Variants in GAL3ST1 observed in about 807,000 individuals in gnomAD.
The protein encoded by GAL3ST1 is galactose-3-O-sulfotransferase 1.
GAL3ST1 carries 13 observed loss-of-function variants against 25.0 expected under a neutral mutation model. That is an observed-to-expected ratio of 0.52 (90% CI 0.34 to 0.83). The LOEUF is 0.83. Ranked by LOEUF, GAL3ST1 falls within the 40% of genes least tolerant of loss-of-function variation. The pLI, the probability that GAL3ST1 is intolerant of heterozygous loss-of-function variation, is 0.02. For synonymous variants in GAL3ST1, 274 were observed against 277.8 expected (o/e 0.99, Z 0.14); for missense variants, 474 against 613.6 (o/e 0.77, Z 2.40).
At chr22:30,570,977 TACACACACACACACACACACACACAC>T (rs67031445) in intron 1 of GAL3ST1, among the ~76,000 whole-genome samples, 2 of 146,088 alleles carry the variant, frequency 1.4e-5, no homozygotes, top group Admixed American at 1.4e-4. Context: ...TCTGTGATGA[TACACACACACACACACACACACACAC>T]ACACACACAC....
chr22:30,562,126 T>C (rs2086447258), intron 1 of GAL3ST1, among the ~76,000 whole-genome samples: 1 of 152,106 alleles, frequency 6.6e-6, no homozygotes, highest in South Asian at 2.1e-4. Flanking sequence ...TCATAGCTCA[T>C]TGCAGCCTTG....
chr22:30,556,214 T>C, intron 3 of GAL3ST1, 121 bp from the exon 4 acceptor site: 2 of 800,878 alleles, frequency 2.5e-6, no homozygotes, highest in Non-Finnish European at 3.9e-6. Context: ...TAGTGAGACC[T>C]GTGGGGCCTG....
At chr22:30,558,159 G>A (rs1352949965) in intron 2 of GAL3ST1, 120 bp downstream of exon 2, 1 of 151,900 alleles carries the variant, frequency 6.6e-6, no homozygotes, top group Non-Finnish European at 1.5e-5. Context: ...CCAGCACTTT[G>A]GGAGGATGAG....
chr22:30,572,761 A>G (rs1201778281), intron 1 of GAL3ST1: 1 of 152,184 alleles, frequency 6.6e-6, no homozygotes, highest in Non-Finnish European at 1.5e-5. Context: ...CCCTGTTTGG[A>G]GTCGTGTGGA....
At chr22:30,563,087 G>C (rs60399532) in intron 1 of GAL3ST1, 23,082 of 152,102 alleles carry the variant, frequency 0.15, 1,878 homozygotes, top group South Asian at 0.21. Context: ...TTGCACTCCA[G>C]CCTGGGTGAC....
chr22:30,569,237 A>T (rs2086710635), intron 1 of GAL3ST1, among the ~76,000 whole-genome samples: 3 of 152,076 alleles, frequency 2.0e-5, no homozygotes, highest in Non-Finnish European at 4.4e-5. Context: ...TAAGAAATGA[A>T]CTGTAGGGAT....
In GAL3ST1 at chr22:30,555,732, C is replaced by G. The variant is rs908336354; in HGVS notation, c.493G>C (p.Asp165His). Residue 165 changes from aspartate to histidine, a missense_variant, in exon 4 of 4, where the codon GAC becomes CAC. Transcript: ENST00000406361. The surrounding 1 kb of genome is among the most constrained non-coding windows in gnomAD (Gnocchi z 8.6). ...GAGGACTCGAACAAGCGGGCGGGGT[C>G]GCGGAGCACCGTGATGAAGATGGCG... Reference protein sequence around the residue: ...TNAIFITVLRDPARLFESSFH... With the variant: ...TNAIFITVLRHPARLFESSFH... 1 of 1,613,866 alleles carries G rather than the reference C, an allele frequency of 6.2e-7. No homozygotes were observed. The highest frequency in any genetic ancestry group is 8.5e-7 in the Non-Finnish European group (1 of 1,180,034).
At position 30,558,587 on chromosome 22, in the gene GAL3ST1, G is replaced by A. The variant is rs372584651; in HGVS notation, c.-119-199C>T. Among the ~76,000 whole-genome samples the A allele has an allele frequency of 2.4e-3, 371 of 152,208 alleles. 13 individuals carry two copies. In the South Asian group the frequency reaches 0.071, roughly 29 times the overall value. Reference sequence around the variant, plus strand: ...GTGCCACCCACCCCACAGTGGTACAGGTGAGGTGCCCAGTAAGAGCCCAGG... The same window carrying A: ...GTGCCACCCACCCCACAGTGGTACAAGTGAGGTGCCCAGTAAGAGCCCAGG... On this transcript the variant is annotated intron_variant, in intron 1 of 3. Transcript: ENST00000406361.
chr22:30,562,526 TATC>T (rs2086466653), intron 1 of GAL3ST1, among the ~76,000 whole-genome samples: 1 of 152,176 alleles, frequency 6.6e-6, no homozygotes, highest in East Asian at 1.9e-4. Context: ...TATTAATTAT[TATC>T]ATACCATTGA....
chr22:30,570,853 T>C (rs936585315), intron 1 of GAL3ST1, among the ~76,000 whole-genome samples: 3 of 152,042 alleles, frequency 2.0e-5, no homozygotes, highest in African/African-American at 7.2e-5. Context: ...AACTTATTCA[T>C]GTAGAGAAAA....
intron 1 of GAL3ST1, among the ~76,000 whole-genome samples, chr22:30,571,113 T>C (rs752789871): frequency 1.3e-5 from 2 of 152,136 alleles, no homozygotes; most frequent in African/African-American, 4.8e-5. Context: ...GCCCCACCTC[T>C]CCTCACTGTG....
At chr22:30,556,172 T>C in intron 3 of GAL3ST1, 79 bp from the exon 4 acceptor site, 1 of 1,180,760 alleles carries the variant, frequency 8.5e-7, no homozygotes, top group Non-Finnish European at 1.2e-6. Context: ...AGAGGGAGAT[T>C]ATTGGGAACA....
chr22:30,562,171 C>T (rs2086448956), intron 1 of GAL3ST1, among the ~76,000 whole-genome samples: 1 of 152,132 alleles, frequency 6.6e-6, no homozygotes, highest in African/African-American at 2.4e-5. Flanking sequence ...TTGCCTCGGC[C>T]TCCTGAGTAG....
intron 1 of GAL3ST1, among the ~76,000 whole-genome samples, chr22:30,573,547 G>C (rs981519319): frequency 6.6e-6 from 1 of 152,198 alleles, no homozygotes; most frequent in Non-Finnish European, 1.5e-5. Flanking sequence ...AGGTCACCCC[G>C]TCAGTAAAGG....
intron 1 of GAL3ST1, among the ~76,000 whole-genome samples, chr22:30,568,060 C>T (rs894791418): frequency 3.3e-5 from 5 of 152,294 alleles, no homozygotes; most frequent in South Asian, 2.1e-4. Context: ...CATGATAACC[C>T]GGTGCAGAGA....
At chr22:30,567,286 T>C (rs2086654618) in intron 1 of GAL3ST1, among the ~76,000 whole-genome samples, 1 of 152,168 alleles carries the variant, frequency 6.6e-6, no homozygotes, top group African/African-American at 2.4e-5. Context: ...TGTTTTTGTT[T>C]TTTTGACACA....
intron 1 of GAL3ST1, among the ~76,000 whole-genome samples, chr22:30,560,969 G>A (rs1374990450): frequency 6.6e-6 from 1 of 152,106 alleles, no homozygotes; most frequent in Non-Finnish European, 1.5e-5. Flanking sequence ...TTTTGAGACG[G>A]TGTCTCCCTA....
intron 1 of GAL3ST1, among the ~76,000 whole-genome samples, chr22:30,563,679 C>T (rs941716795): frequency 2.0e-5 from 3 of 151,570 alleles, no homozygotes; most frequent in Non-Finnish European, 4.4e-5. Context: ...TTTGGGAGGC[C>T]GAGGTGAGTG....
intron 3 of GAL3ST1, among the ~76,000 whole-genome samples, chr22:30,557,004 G>T (rs1285809101): frequency 6.6e-6 from 1 of 152,238 alleles, no homozygotes; most frequent in African/African-American, 2.4e-5. Flanking sequence ...CAAAGTGCTA[G>T]GATTACAGGC....
Sources: gnomAD v4.1 joint callset for allele counts (sites outside exome capture counted in the v4.1 genomes callset) on GRCh38, gnomAD v4.1.1 for gene constraint, Gnocchi (gnomAD v3.1) non-coding constraint, MANE v1.5 for transcripts, NCBI Gene and HGNC (gene_info 2026-07-23, HGNC 2026-07-21) for gene names.